Variants in IL21 observed in about 807,000 individuals in gnomAD.
IL21 encodes the protein interleukin-21.
In IL21, 3 loss-of-function variants were observed where a neutral mutation model predicts 18.4. The observed-to-expected ratio is 0.16, with a 90% confidence interval of 0.07 to 0.42. The LOEUF is 0.42. Among genes scored for constraint, IL21 ranks in the 10% least tolerant of loss-of-function variants. IL21 has a pLI of 0.99. For synonymous variants in IL21, 37 were observed against 62.0 expected (o/e 0.60, Z 1.90); for missense variants, 130 against 188.4 (o/e 0.69, Z 1.81).
At chr4:122,618,650 A>G (rs565230072) in intron 2 of IL21, among the ~76,000 whole-genome samples, 1 of 152,108 alleles carries the variant, frequency 6.6e-6, no homozygotes, top group Non-Finnish European at 1.5e-5. Flanking sequence ...ACTAAAAAAT[A>G]CAAAAATTAG....
chr4:122,618,804 C>CAA (rs1158779760), intron 2 of IL21, among the ~76,000 whole-genome samples: 7,263 of 32,524 alleles, frequency 0.22, 1,439 homozygotes, highest in Non-Finnish European at 0.32. Context: ...GACTCCGTCT[C>CAA]AAAAAAAAAA....
rs941513199 is a variant in IL21 at position 122,615,736 on chromosome 4, C to G, written c.306G>C (p.Lys102Asn). 3 of 1,613,888 alleles carry G rather than the reference C, an allele frequency of 1.9e-6. No individual in the cohort carries two copies. The highest frequency in any genetic ancestry group is 2.5e-6 in the Non-Finnish European group (3 of 1,179,890). ...TTGTGGAAGGTGGTTTCCTCTTCAG[C>G]TTTTTAATTGATACATTGATTATCC... is the stretch of plus-strand genomic sequence containing the variant. ...NERIINVSIK[K>N]LKRKPPSTNA... Residue 102 changes from lysine (K) to asparagine (N), a missense_variant, in exon 3 of 5, where the codon AAG (lysine) becomes AAC (asparagine). By Grantham distance (94) the Lys-to-Asn change is moderately conservative (BLOSUM62 0). Transcript: ENST00000648588.
Position 122,621,004 on chromosome 4 carries a change from G to C in IL21, c.8C>G (p.Ser3Cys), listed in dbSNP as rs776973222. 1 of 1,613,788 alleles carries C rather than the reference G, an allele frequency of 6.2e-7. No individual in the cohort carries two copies. The highest frequency in any genetic ancestry group is 8.5e-7 in the Non-Finnish European group (1 of 1,179,848). Reference sequence around the variant, plus strand: ...AATCCTCTCCATGTTGCCAGGACTGGATCTCATAAGTACCAACAGTAGAGC... The same window carrying C: ...AATCCTCTCCATGTTGCCAGGACTGCATCTCATAAGTACCAACAGTAGAGC... MR[S>C]SPGNMERIVI... Residue 3 changes from serine (S) to cysteine (C), a missense_variant, in exon 1 of 5, where the codon TCC becomes TGC. Coordinates refer to ENST00000648588, the MANE Select transcript of IL21 (RefSeq NM_021803.4).
rs1799265738 is a variant in IL21, at chr4:122,611,797, A to T, written c.*913T>A. 1.3e-5 allele frequency among the ~76,000 whole-genome samples: 2 copies of T among 152,194 alleles called. No homozygotes were observed. Among genetic ancestry groups the T allele is most frequent in the South Asian group, 4.1e-4 (2 of 4,834 alleles). ...TTTGTCAAAGCAGAAGTTTCATTTT[A>T]AAAAGAAGGAAGAAAAGAAACGAAA... On this transcript the variant is annotated 3_prime_UTR_variant, in exon 5 of 5. Coordinates refer to ENST00000648588, the MANE Select transcript of IL21 (RefSeq NM_021803.4).
At chr4:122,613,002 T>C in intron 3 of IL21, 74 bp from the exon 4 acceptor site, 1 of 892,714 alleles carries the variant, frequency 1.1e-6, no homozygotes, top group Non-Finnish European at 1.7e-6. Context: ...AAATTTTTTT[T>C]CATTAAAAAC....
intron 2 of IL21, among the ~76,000 whole-genome samples, chr4:122,620,429 T>G (rs1175460771): frequency 6.6e-6 from 1 of 152,214 alleles, no homozygotes; most frequent in Non-Finnish European, 1.5e-5. Context: ...TTTCTAGTTT[T>G]GTTATTCTGT....
chr4:122,613,415 G>A (rs528740056), intron 3 of IL21, among the ~76,000 whole-genome samples: 7 of 145,810 alleles, frequency 4.8e-5, no homozygotes, highest in Admixed American at 4.3e-4. Flanking sequence ...GCAGTGGCGC[G>A]ATCTCCACTG....
chr4:122,615,639 G>C (rs371695556), intron 3 of IL21, 43 bp downstream of exon 3: 16 of 1,565,598 alleles, frequency 1.0e-5, no homozygotes, highest in Non-Finnish European at 1.0e-5. Context: ...AAGATATATA[G>C]TTTATAAGTA....
rs763428526 is a variant in IL21 at position 122,620,858 on chromosome 4, A to G, written c.154T>C (p.Tyr52His). The part of the protein sequence containing the change: ...LIDIVDQLKN[Y>H]VNDLVPEFLP... ...TATAGTCTTACCAAGTCATTCACATAATTTTTCAGCTGATCAACAATATCT... is the reference window on the plus strand; with the variant it reads ...TATAGTCTTACCAAGTCATTCACATGATTTTTCAGCTGATCAACAATATCT... Residue 52 changes from tyrosine to histidine, a missense_variant, in exon 1 of 5, where the codon TAT (tyrosine) becomes CAT (histidine). Physicochemically the swap from Tyr to His is moderately conservative, Grantham distance 83. Coordinates refer to ENST00000648588, the MANE Select transcript of IL21 (RefSeq NM_021803.4). The G allele has an allele frequency of 6.2e-7, 1 of 1,614,038 alleles. No homozygotes were observed. The highest frequency in any genetic ancestry group is 2.2e-5 in the East Asian group (1 of 44,884).
intron 3 of IL21, among the ~76,000 whole-genome samples, chr4:122,613,717 A>T (rs550803009): frequency 7.2e-5 from 11 of 152,208 alleles, no homozygotes; most frequent in Admixed American, 1.3e-4. Flanking sequence ...TTTTTCATAT[A>T]TATCTTTGCT....
At chr4:122,615,124 A>T (rs1799317825) in intron 3 of IL21, among the ~76,000 whole-genome samples, 1 of 152,222 alleles carries the variant, frequency 6.6e-6, no homozygotes, top group Non-Finnish European at 1.5e-5. Flanking sequence ...TTGAGAAGCT[A>T]TATTAACATA....
At position 122,611,352 on chromosome 4, in the gene IL21, A is replaced by C. The variant is rs1164498746; in HGVS notation, c.*1358T>G. ...GAGATTTGATTAAATAATTCTCAATATATCTTTTAGAACTGTAGGTTAAGT... is the reference window on the plus strand; with the variant it reads ...GAGATTTGATTAAATAATTCTCAATCTATCTTTTAGAACTGTAGGTTAAGT... On this transcript the variant is annotated 3_prime_UTR_variant, in exon 5 of 5. Transcript: ENST00000648588. 2.0e-5 allele frequency among the ~76,000 whole-genome samples: 3 copies of C among 152,284 alleles called. No homozygotes were observed. Among genetic ancestry groups the C allele is most frequent in the South Asian group, 4.1e-4 (2 of 4,832 alleles).
chr4:122,617,663 C>G (rs921021790), intron 2 of IL21, among the ~76,000 whole-genome samples: 8 of 152,146 alleles, frequency 5.3e-5, no homozygotes, highest in Non-Finnish European at 8.8e-5. Flanking sequence ...TTGAATGGTA[C>G]CTGGACACTG....
chr4:122,617,474 A>T (rs1459360883), intron 2 of IL21, among the ~76,000 whole-genome samples: 1 of 152,222 alleles, frequency 6.6e-6, no homozygotes, highest in Non-Finnish European at 1.5e-5. Flanking sequence ...CTGAGTTAAC[A>T]TTTACATGTG....
chr4:122,616,352 A>G (rs1314067057), intron 2 of IL21, among the ~76,000 whole-genome samples: 1 of 152,216 alleles, frequency 6.6e-6, no homozygotes, highest in Non-Finnish European at 1.5e-5. Flanking sequence ...AATGATCAAC[A>G]TATATTTGTA....
chr4:122,616,724 G>A (rs576446875), intron 2 of IL21, among the ~76,000 whole-genome samples: 1 of 152,260 alleles, frequency 6.6e-6, no homozygotes, highest in Non-Finnish European at 1.5e-5. Flanking sequence ...AAACTGGAAA[G>A]GAAATGGAAT....
At chr4:122,618,983 A>G (rs1381221405) in intron 2 of IL21, 1 of 152,058 alleles carries the variant, frequency 6.6e-6, no homozygotes, top group Non-Finnish European at 1.5e-5. Flanking sequence ...ACTAGATGCC[A>G]GTAGCACCCC....
chr4:122,618,395 C>A (rs1219129761), intron 2 of IL21, among the ~76,000 whole-genome samples: 1 of 151,980 alleles, frequency 6.6e-6, no homozygotes, highest in East Asian at 1.9e-4. Flanking sequence ...GGATTACAGG[C>A]ATTGGGATTA....
chr4:122,612,598 G>GT lies in IL21; in HGVS notation c.*111dup, dbSNP rs75197470. The GT allele has an allele frequency of 1.7e-3, 1,258 of 745,738 alleles. 1 individual carries two copies. The highest frequency in any genetic ancestry group is 5.3e-3 in the African/African-American group (300 of 56,906). 46.2% of individuals were successfully genotyped at this position (745,738 alleles called of 1,614,324 possible). A position where few individuals can be genotyped will look rare whatever the true frequency, so the allele number is the denominator to read the frequency against. The stretch of plus-strand genomic sequence containing the variant: ...TAATCCTGACTTTGCACACTTATGA[G>GT]TTTTTTTTTCCCATCGCTAATATAT... On this transcript the variant is annotated 3_prime_UTR_variant, in exon 5 of 5. Coordinates refer to ENST00000648588, the MANE Select transcript of IL21 (RefSeq NM_021803.4).
Sources: allele counts gnomAD v4.1 joint callset (sites outside exome capture counted in the v4.1 genomes callset), GRCh38; gene constraint gnomAD v4.1.1; transcripts MANE v1.5; gene names NCBI Gene and HGNC (gene_info 2026-07-23, HGNC 2026-07-21).